The following CNTNAP1 variants were observed in gnomAD, a reference collection of about 807,000 sequenced individuals.
CNTNAP1 encodes contactin-associated protein 1.
In CNTNAP1, 80 loss-of-function variants were observed where a neutral mutation model predicts 161.5. The ratio of observed to expected loss-of-function variants is 0.50; its 90% CI spans 0.41 to 0.60. The LOEUF (loss-of-function observed/expected upper bound fraction) is 0.60, where lower values mean the gene tolerates loss of function less well. CNTNAP1 is among the 20% of genes least tolerant of loss of function. The pLI is 0.00. For missense variants in CNTNAP1, 1,464 were observed against 1,854.8 expected, an observed-to-expected ratio of 0.79 and a Z score of 3.87; for synonymous variants, 695 against 733.1, an observed-to-expected ratio of 0.95 and a Z score of 0.84.
intron 6 of CNTNAP1, among the ~76,000 whole-genome samples, chr17:42,686,478 T>TTTTTTTTTTTG (rs2053014579): frequency 7.5e-6 from 1 of 134,080 alleles, no homozygotes; most frequent in Non-Finnish European, 1.5e-5. Context: ...TGTTTTTTTT[T>TTTTTTTTTTTG]TTTTTTTTTT....
At position 42,698,885 on chromosome 17, in the gene CNTNAP1, T is replaced by G; in HGVS notation, c.4130T>G (p.Ile1377Ser). The G allele has an allele frequency of 6.5e-7, 1 of 1,549,932 alleles. No homozygotes were observed. The highest frequency in any genetic ancestry group is 8.7e-7 in the Non-Finnish European group (1 of 1,153,802). ...PGPRDQNLPQ[I>S]LEESRSE ...CCCCGGGATCAGAACCTACCCCAGA[T>G]CCTGGAGGAGTCCAGGTCTGAATGA... is the stretch of plus-strand genomic sequence containing the variant. The change falls in exon 24 of 24, where the codon ATC (isoleucine) becomes AGC (serine). Residue 1377 changes from isoleucine to serine, a missense_variant. Physicochemically the swap from Ile to Ser is moderately radical, Grantham distance 142 (BLOSUM62 -2). This residue lies in a region of CNTNAP1 where 1,383 missense variants were observed against 1,765.0 expected (regional missense o/e 0.78). Transcript: ENST00000264638.
At position 42,684,229 on chromosome 17, in the gene CNTNAP1, G is replaced by A; in HGVS notation, c.363G>A (p.Ser121=). Residue 121 remains serine (S), a splice_region_variant and synonymous_variant, in exon 3 of 24, where the codon TCG becomes TCA. Transcript: ENST00000264638. Reference sequence around the variant, plus strand: ...CGTTCTACCAGCGAGGGCACAACTCGGTACTCTGGGCGCCAAGGCGGTAAC... The same window carrying A: ...CGTTCTACCAGCGAGGGCACAACTCAGTACTCTGGGCGCCAAGGCGGTAAC... The part of the protein sequence containing the change: ...WTPFYQRGHN[S]TFFGNVNESA... 7.5e-6 allele frequency: 12 copies of A among 1,610,452 alleles called. No homozygotes were observed. The highest frequency in any genetic ancestry group is 1.0e-5 in the Non-Finnish European group (12 of 1,177,476).
rs1555641642 is a variant in CNTNAP1, at chr17:42,683,801, A to AG, written c.68-19dup. The AG allele has an allele frequency of 6.2e-7, 1 of 1,607,322 alleles. No individual in the cohort carries two copies. The highest frequency in any genetic ancestry group is 8.5e-7 in the Non-Finnish European group (1 of 1,178,854). On this transcript the variant is annotated intron_variant, in intron 1 of 23. Coordinates refer to ENST00000264638, the MANE Select transcript of CNTNAP1 (RefSeq NM_003632.3). ...CTGGGAGGGGCCAGCGCTGACTAAC[A>AG]GTCGGTTTCCCTACCCTAGACGGCT...
In CNTNAP1 at chr17:42,691,089, G is replaced by A; in HGVS notation, c.2060-48G>A. The A allele has an allele frequency of 1.2e-6, 2 of 1,606,656 alleles. No homozygotes were observed. Among genetic ancestry groups the A allele is most frequent in the South Asian group, 2.2e-5 (2 of 89,810 alleles). Reference sequence around the variant, plus strand: ...GCTGGAAGGGCGAGAGGAGCCCAGAGGCTAATGGAGGGACAGGGCCTGGAA... The same window carrying A: ...GCTGGAAGGGCGAGAGGAGCCCAGAAGCTAATGGAGGGACAGGGCCTGGAA... On this transcript the variant is annotated intron_variant, in intron 13 of 23. Transcript: ENST00000264638. This position sits in a 1 kb window ranked among gnomAD's most constrained non-coding sequence, Gnocchi z 4.3.
Position 42,687,848 on chromosome 17 carries a change from C to T in CNTNAP1, c.1173C>T (p.Thr391=), listed in dbSNP as rs773802956. 2 of 1,614,276 alleles carry T rather than the reference C, an allele frequency of 1.2e-6. No individual in the cohort carries two copies. The highest frequency in any genetic ancestry group is 1.7e-6 in the Non-Finnish European group (2 of 1,180,054). ...TGGCAGTCTCATTTCGCTTCCGCACCTGGGACCTCACCGGGCTTCTCCTTT... is the reference window on the plus strand; with the variant it reads ...TGGCAGTCTCATTTCGCTTCCGCACTTGGGACCTCACCGGGCTTCTCCTTT... The part of the protein sequence containing the change: ...GRLAVSFRFR[T]WDLTGLLLFS... The change falls in exon 8 of 24, where the codon ACC becomes ACT. Residue 391 remains threonine, a synonymous_variant. Transcript: ENST00000264638. This position sits in a 1 kb window ranked among gnomAD's most constrained non-coding sequence, Gnocchi z 4.7.
Position 42,685,982 on chromosome 17 carries a change from A to G in CNTNAP1, c.741A>G (p.Pro247=), listed in dbSNP as rs1381887682. Residue 247 remains proline (P), a synonymous_variant, in exon 6 of 24, where the codon CCA becomes CCG. Transcript: ENST00000264638. This position sits in a 1 kb window ranked among gnomAD's most constrained non-coding sequence, Gnocchi z 5.0. The part of the protein sequence containing the change: ...SLGSSPIQPR[P]GHTTVSAGGV... ...GCAGCAGCCCTATCCAGCCAAGACC[A>G]GGTCACACCACCGTGAGCGCAGGCG... 1.2e-6 allele frequency: 2 copies of G among 1,614,170 alleles called. No individual in the cohort carries two copies. Among genetic ancestry groups the G allele is most frequent in the African/African-American group, 2.7e-5 (2 of 75,056 alleles).
intron 1 of CNTNAP1, chr17:42,683,352 A>T: frequency 9.3e-7 from 1 of 1,080,434 alleles, no homozygotes; most frequent in Non-Finnish European, 1.1e-6. Context: ...CCCCTGACTG[A>T]TGCTAAGGCT....
Position 42,687,657 on chromosome 17 carries a change from T to C in CNTNAP1, c.1045-63T>C. ...CAGGGTCTTAGACCGGTGTGAAAACTGAATTCCCAGCTGAGGCAGAGGCGG... is the reference window on the plus strand; with the variant it reads ...CAGGGTCTTAGACCGGTGTGAAAACCGAATTCCCAGCTGAGGCAGAGGCGG... On this transcript the variant is annotated intron_variant, in intron 7 of 23. Transcript: ENST00000264638. This position sits in a 1 kb window ranked among gnomAD's most constrained non-coding sequence, Gnocchi z 4.7. 1 of 1,580,408 alleles carries C rather than the reference T, an allele frequency of 6.3e-7. No homozygotes were observed. The highest frequency in any genetic ancestry group is 8.6e-7 in the Non-Finnish European group (1 of 1,161,694).
chr17:42,692,195 TA>T (rs1374356537), intron 16 of CNTNAP1, among the ~76,000 whole-genome samples: 1 of 152,200 alleles, frequency 6.6e-6, no homozygotes, highest in Non-Finnish European at 1.5e-5. Flanking sequence ...CTCTTGGCCT[TA>T]AGCCCCTTCC....
Position 42,691,703 on chromosome 17 carries a change from AC to A in CNTNAP1, c.2345-100del. 2 of 1,363,836 alleles carry A rather than the reference AC, an allele frequency of 1.5e-6. No individual in the cohort carries two copies. Among genetic ancestry groups the A allele is most frequent in the Non-Finnish European group, 2.1e-6 (2 of 971,890 alleles). The allele number at this position is 1,363,836 out of a possible 1,614,324, so 84.5% of individuals were successfully genotyped here. On this transcript the variant is annotated intron_variant, in intron 15 of 23. Coordinates refer to ENST00000264638, the MANE Select transcript of CNTNAP1 (RefSeq NM_003632.3). The surrounding 1 kb of genome is among the most constrained non-coding windows in gnomAD (Gnocchi z 4.3). ...CTTAGTCTCCCCTCCGTCACCTCAA[AC>A]CCTCCCCCTTTGCCCAACCTTCCCT... is the stretch of plus-strand genomic sequence containing the variant.
chr17:42,686,778 A>G, intron 6 of CNTNAP1, 125 bp from the exon 7 acceptor site: 2 of 1,159,204 alleles, frequency 1.7e-6, no homozygotes, highest in Non-Finnish European at 2.4e-6. Flanking sequence ...GACACTGGGG[A>G]AATGTGTGTT....
At chr17:42,690,422 GT>G (rs1040461808) in intron 12 of CNTNAP1, among the ~76,000 whole-genome samples, 9 of 151,512 alleles carry the variant, frequency 5.9e-5, no homozygotes, top group African/African-American at 1.9e-4. Context: ...TACTCGGGAG[GT>G]TGAGGCAGGA....
Position 42,695,861 on chromosome 17 carries a change from C to T in CNTNAP1, c.3333C>T (p.Leu1111=). The T allele has an allele frequency of 6.2e-7, 1 of 1,611,566 alleles. No homozygotes were observed. The highest frequency in any genetic ancestry group is 1.1e-5 in the South Asian group (1 of 91,016). ...TTGTTCGTGACTACATGGCTGTGCT[C>T]ATCAAGGATGATGGTAAGCTCTCCC... ...SSFVRDYMAV[L]IKDDGTLQLR... Residue 1111 remains leucine (L), a synonymous_variant, in exon 19 of 24, where the codon CTC becomes CTT. Coordinates refer to ENST00000264638, the MANE Select transcript of CNTNAP1 (RefSeq NM_003632.3).
chr17:42,691,664 CTT>C lies in CNTNAP1; in HGVS notation c.2345-140_2345-139del, dbSNP rs892201068. On this transcript the variant is annotated intron_variant, in intron 15 of 23. Coordinates refer to ENST00000264638, the MANE Select transcript of CNTNAP1 (RefSeq NM_003632.3). This position sits in a 1 kb window ranked among gnomAD's most constrained non-coding sequence, Gnocchi z 4.3. ...CATTACCCCTCTGCACCTGGCTCCT[CTT>C]TCATTCCACTCCTTAGTCTCCCCTC... 7.3e-5 allele frequency: 100 copies of C among 1,369,146 alleles called. No homozygotes were observed. Among genetic ancestry groups the C allele is most frequent in the Middle Eastern group, 5.6e-4 (3 of 5,368 alleles). The allele number at this position is 1,369,146 out of a possible 1,614,324, so 84.8% of individuals were successfully genotyped here.
chr17:42,696,235 A>AG, intron 20 of CNTNAP1, 83 bp downstream of exon 20: 5 of 1,508,528 alleles, frequency 3.3e-6, no homozygotes, highest in African/African-American at 1.4e-5. Flanking sequence ...CAAATACTTA[A>AG]TATTTGTAGA....
At position 42,682,863 on chromosome 17, in the gene CNTNAP1, G is replaced by T. The variant is rs1384344844; in HGVS notation, c.34G>T (p.Ala12Ser). Reference sequence around the variant, plus strand: ...TCTCCGGCTCTTCTGCATCCTGCTCGCCGCGGTCTCAGGAGCCGAGGGCTG... The same window carrying T: ...TCTCCGGCTCTTCTGCATCCTGCTCTCCGCGGTCTCAGGAGCCGAGGGCTG... ...MHLRLFCILL[A>S]AVSGAEGWGY... The change falls in exon 1 of 24, where the codon GCC becomes TCC. Residue 12 changes from alanine to serine, a missense_variant. Physicochemically the swap from Ala to Ser is moderately conservative, Grantham distance 99 (BLOSUM62 1). Coordinates refer to ENST00000264638, the MANE Select transcript of CNTNAP1 (RefSeq NM_003632.3). The T allele has an allele frequency of 6.3e-7, 1 of 1,599,018 alleles. No homozygotes were observed.
At chr17:42,690,233 G>A in intron 12 of CNTNAP1, 26 bp downstream of exon 12, 2 of 1,613,214 alleles carry the variant, frequency 1.2e-6, no homozygotes, top group Non-Finnish European at 1.7e-6. Context: ...GGGTGGTGAG[G>A]GGGTGAGGGG....
chr17:42,683,675 T>C (rs747312578), intron 1 of CNTNAP1, 146 bp from the exon 2 acceptor site: 4 of 1,445,724 alleles, frequency 2.8e-6, no homozygotes, highest in African/African-American at 1.4e-5. Flanking sequence ...CAGGATTGAA[T>C]AGATGGCTTT....
intron 9 of CNTNAP1, 31 bp from the exon 10 acceptor site, chr17:42,688,844 TG>T (rs772252861): frequency 3.7e-6 from 6 of 1,612,840 alleles, no homozygotes; most frequent in South Asian, 2.2e-5. Flanking sequence ...GGGTCTCCCC[TG>T]GGGAGGATCT....
Sources: allele counts gnomAD v4.1 joint callset (sites outside exome capture counted in the v4.1 genomes callset), GRCh38; gene constraint gnomAD v4.1.1; regional missense constraint gnomAD v4.1.1; non-coding constraint Gnocchi (gnomAD v3.1); transcripts MANE v1.5; gene names NCBI Gene and HGNC (gene_info 2026-07-23, HGNC 2026-07-21).